The following MEX3C variants were observed in gnomAD, a reference collection of about 807,000 sequenced individuals.
MEX3C encodes mex-3 RNA binding family member C.
In MEX3C, 15 loss-of-function variants were observed where a neutral mutation model predicts 35.5. That is an observed-to-expected ratio of 0.42 (90% CI 0.28 to 0.65). The LOEUF is 0.65. Among genes scored for constraint, MEX3C ranks in the 30% least tolerant of loss-of-function variants. The probability of loss-of-function intolerance (pLI) is 0.20; values close to 1 mark genes in which losing one functional copy is unlikely to be tolerated. For missense variants in MEX3C, 711 were observed against 842.8 expected (o/e 0.84, Z 1.94); for synonymous variants, 390 against 352.8 (o/e 1.11, Z -1.18).
In MEX3C at chr18:51,177,604, ATCAACATCTACT is replaced by A. The variant is rs1241314838; in HGVS notation, c.755-40_755-29del. 21 of 1,553,056 alleles carry A rather than the reference ATCAACATCTACT, an allele frequency of 1.4e-5. No homozygotes were observed. The highest frequency in any genetic ancestry group is 1.6e-5 in the Non-Finnish European group (19 of 1,154,244). Reference sequence around the variant, plus strand: ...GTTAGAAAGAAAACATTTCATAAGAATCAACATCTACTTCAATGATATATATAAAGACAAATC... The same window carrying A: ...GTTAGAAAGAAAACATTTCATAAGAATCAATGATATATATAAAGACAAATC... On this transcript the variant is annotated intron_variant, in intron 1 of 1. Coordinates refer to ENST00000406189, the MANE Select transcript of MEX3C (RefSeq NM_016626.5). This position sits in a 1 kb window ranked among gnomAD's most constrained non-coding sequence, Gnocchi z 4.2.
intron 1 of MEX3C, among the ~76,000 whole-genome samples, chr18:51,190,285 G>A (rs1912625331): frequency 6.6e-6 from 1 of 152,168 alleles, no homozygotes. Context: ...TAGAAAGGCA[G>A]AAGAGAAGGC....
chr18:51,185,641 C>A (rs1272549649), intron 1 of MEX3C, among the ~76,000 whole-genome samples: 1 of 152,102 alleles, frequency 6.6e-6, no homozygotes, highest in Non-Finnish European at 1.5e-5. Context: ...CTTCCAAGTA[C>A]CTAGCTTTTA....
chr18:51,195,049 A>T (rs1912745025), intron 1 of MEX3C: 1 of 150,228 alleles, frequency 6.7e-6, no homozygotes, highest in Non-Finnish European at 1.5e-5. Flanking sequence ...AAGGGCAGAA[A>T]GTCTGAATTA....
At position 51,176,111 on chromosome 18, in the gene MEX3C, C is replaced by T; in HGVS notation, c.*240G>A. On this transcript the variant is annotated 3_prime_UTR_variant, in exon 2 of 2. Transcript: ENST00000406189. ...TCAGCTTTAGCAATTCTTATATAAA[C>T]TATGTCTCTGGGTCTACAGGATAGT... 1 of 372,914 alleles carries T rather than the reference C, an allele frequency of 2.7e-6. No homozygotes were observed. 23.1% of individuals were successfully genotyped at this position (372,914 alleles called of 1,614,324 possible). A position where few individuals can be genotyped will look rare whatever the true frequency, so the allele number is the denominator to read the frequency against.
intron 1 of MEX3C, among the ~76,000 whole-genome samples, chr18:51,179,518 C>A (rs1311071527): frequency 1.3e-5 from 2 of 151,188 alleles, no homozygotes; most frequent in Non-Finnish European, 2.9e-5. Flanking sequence ...ATCTGAAATG[C>A]TCCAGTGAGT....
intron 1 of MEX3C, among the ~76,000 whole-genome samples, chr18:51,184,573 T>C (rs1912496132): frequency 6.6e-6 from 1 of 152,162 alleles, no homozygotes; most frequent in Admixed American, 6.5e-5. Flanking sequence ...GAAGTAGCTT[T>C]TGGCTGTGTG....
chr18:51,174,917 C>A lies in MEX3C; in HGVS notation c.*1434G>T, dbSNP rs1040005892. 2.6e-5 allele frequency: 4 copies of A among 152,580 alleles called. No homozygotes were observed. The highest frequency in any genetic ancestry group is 9.7e-5 in the African/African-American group (4 of 41,442). 9.5% of individuals were successfully genotyped at this position (152,580 alleles called of 1,614,324 possible). On this transcript the variant is annotated 3_prime_UTR_variant, in exon 2 of 2. Transcript: ENST00000406189. Reference sequence around the variant, plus strand: ...ACAAAATACATGCTTGGTGAACATTCGTTCATATCTACAAGACGGCAGCTA... The same window carrying A: ...ACAAAATACATGCTTGGTGAACATTAGTTCATATCTACAAGACGGCAGCTA...
chr18:51,177,619 A>G lies in MEX3C; in HGVS notation c.755-43T>C. ...TTTCATAAGAATCAACATCTACTTC[A>G]ATGATATATATAAAGACAAATCACA... is the stretch of plus-strand genomic sequence containing the variant. On this transcript the variant is annotated intron_variant, in intron 1 of 1. Transcript: ENST00000406189. This position sits in a 1 kb window ranked among gnomAD's most constrained non-coding sequence, Gnocchi z 4.2. 6.5e-7 allele frequency: 1 copy of G among 1,531,610 alleles called. No homozygotes were observed. The allele number at this position is 1,531,610 out of a possible 1,614,324, so 94.9% of individuals were successfully genotyped here.
Position 51,177,357 on chromosome 18 carries a change from C to G in MEX3C, c.974G>C (p.Gly325Ala). 1 of 1,613,952 alleles carries G rather than the reference C, an allele frequency of 6.2e-7. No homozygotes were observed. The change falls in exon 2 of 2, where the codon GGT (glycine) becomes GCT (alanine). Residue 325 changes from glycine (G) to alanine (A), a missense_variant. Gly to Ala is a moderately conservative substitution (Grantham distance 60). This residue lies in a region of MEX3C where 83 missense variants were observed against 179.1 expected (regional missense o/e 0.46). Transcript: ENST00000406189. The surrounding 1 kb of genome is among the most constrained non-coding windows in gnomAD (Gnocchi z 4.2). ...GACCCTGACTTGGACGGTGGTTTGA[C>G]CGGGCAGATTAGGACTACATGATAA... ...GGLSCSPNLP[G>A]QTTVQVRVPY...
intron 1 of MEX3C, among the ~76,000 whole-genome samples, chr18:51,190,919 G>A (rs1912637636): frequency 6.6e-6 from 1 of 152,140 alleles, no homozygotes. Flanking sequence ...TACTTGGGAA[G>A]CATTAAGAAT....
In MEX3C at chr18:51,177,452, G is replaced by T. The variant is rs1912331047; in HGVS notation, c.879C>A (p.Ile293=). ...KEDVAMAKRE[I]LSAAEHFSMI... is the part of the protein sequence containing the mutation. ...TGGAGAAGTGCTCTGCAGCTGAGAG[G>T]ATCTCTCTTTTGGCCATGGCAACAT... The change falls in exon 2 of 2, where the codon ATC becomes ATA. Residue 293 remains isoleucine (I), a synonymous_variant. Transcript: ENST00000406189. The surrounding 1 kb of genome is among the most constrained non-coding windows in gnomAD (Gnocchi z 4.2). 1.2e-6 allele frequency: 2 copies of T among 1,614,012 alleles called. No homozygotes were observed. The highest frequency in any genetic ancestry group is 1.7e-6 in the Non-Finnish European group (2 of 1,179,888).
In MEX3C at chr18:51,175,135, A is replaced by T. The variant is rs907648335; in HGVS notation, c.*1216T>A. ...TTTGTCTATTTACTATTGAATACAC[A>T]TAGGATTTCAATTTTCATTATACCG... is the stretch of plus-strand genomic sequence containing the variant. On this transcript the variant is annotated 3_prime_UTR_variant, in exon 2 of 2. Transcript: ENST00000406189. 1 of 152,796 alleles carries T rather than the reference A, an allele frequency of 6.5e-6. No homozygotes were observed. Among genetic ancestry groups the T allele is most frequent in the South Asian group, 2.1e-4 (1 of 4,834 alleles). The allele number at this position is 152,796 out of a possible 1,614,324, so 9.5% of individuals were successfully genotyped here.
chr18:51,177,344 G>A lies in MEX3C; in HGVS notation c.987C>T (p.Val329=). ...CSPNLPGQTT[V]QVRVPYRVVG... ...CCACACGATAAGGGACCCTGACTTG[G>A]ACGGTGGTTTGACCGGGCAGATTAG... Residue 329 remains valine (V), a synonymous_variant, in exon 2 of 2, where the codon GTC becomes GTT. Coordinates refer to ENST00000406189, the MANE Select transcript of MEX3C (RefSeq NM_016626.5). This position sits in a 1 kb window ranked among gnomAD's most constrained non-coding sequence, Gnocchi z 4.2. 6.2e-7 allele frequency: 1 copy of A among 1,613,974 alleles called. No individual in the cohort carries two copies. The highest frequency in any genetic ancestry group is 8.5e-7 in the Non-Finnish European group (1 of 1,179,894).
At chr18:51,189,418 A>G (rs1912607257) in intron 1 of MEX3C, among the ~76,000 whole-genome samples, 1 of 152,150 alleles carries the variant, frequency 6.6e-6, no homozygotes, top group African/African-American at 2.4e-5. Flanking sequence ...CCCCTAAACC[A>G]ATGTTCTCTC....
rs543947684 is a variant in MEX3C, at chr18:51,191,056, C to T, written c.754+5511G>A. Among the ~76,000 whole-genome samples the T allele has an allele frequency of 7.9e-5, 12 of 152,208 alleles. No individual in the cohort carries two copies. The East Asian group carries it at 2.3e-3, about 29-fold the overall frequency. ...TTTATTTTTAAGTGCAAATACACTCCTTTAGTATCTTATGAACATTATCTA... is the reference window on the plus strand; with the variant it reads ...TTTATTTTTAAGTGCAAATACACTCTTTTAGTATCTTATGAACATTATCTA... On this transcript the variant is annotated intron_variant, in intron 1 of 1. Coordinates refer to ENST00000406189, the MANE Select transcript of MEX3C (RefSeq NM_016626.5).
chr18:51,185,319 G>T (rs1276832456), intron 1 of MEX3C, among the ~76,000 whole-genome samples: 1 of 152,138 alleles, frequency 6.6e-6, no homozygotes, highest in East Asian at 1.9e-4. Context: ...CATCTTCAGA[G>T]CGAGCAATGG....
chr18:51,179,696 T>C (rs1169792360), intron 1 of MEX3C, among the ~76,000 whole-genome samples: 1 of 152,156 alleles, frequency 6.6e-6, no homozygotes, highest in Non-Finnish European at 1.5e-5. Flanking sequence ...GAACAGAGAG[T>C]ACAATGAAAC....
Position 51,176,196 on chromosome 18 carries a change from C to T in MEX3C, c.*155G>A. 1 of 716,182 alleles carries T rather than the reference C, an allele frequency of 1.4e-6. No individual in the cohort carries two copies. The allele number at this position is 716,182 out of a possible 1,614,324, so 44.4% of individuals were successfully genotyped here. A position where few individuals can be genotyped will look rare whatever the true frequency, so the allele number is the denominator to read the frequency against. On this transcript the variant is annotated 3_prime_UTR_variant, in exon 2 of 2. Transcript: ENST00000406189. ...CCACTTAGGTTTAGTGTTACCATAGCAGCCTTTTATAAGTTTACTAACAAC... is the reference window on the plus strand; with the variant it reads ...CCACTTAGGTTTAGTGTTACCATAGTAGCCTTTTATAAGTTTACTAACAAC...
intron 1 of MEX3C, among the ~76,000 whole-genome samples, chr18:51,190,197 A>G (rs1912624181): frequency 6.6e-6 from 1 of 152,190 alleles, no homozygotes; most frequent in South Asian, 2.1e-4. Flanking sequence ...ATCCAAGGTC[A>G]CAGGCAGCAA....
Sources: gnomAD v4.1 joint callset for allele counts (sites outside exome capture counted in the v4.1 genomes callset) on GRCh38, gnomAD v4.1.1 for gene constraint, gnomAD v4.1.1 regional missense constraint, Gnocchi (gnomAD v3.1) non-coding constraint, MANE v1.5 for transcripts, NCBI Gene and HGNC (gene_info 2026-07-23, HGNC 2026-07-21) for gene names.